The following CPNE4 variants were observed in gnomAD, a reference collection of about 807,000 sequenced individuals.
CPNE4 encodes copine-4.
Under a neutral mutation model 67.9 loss-of-function variants are expected in CPNE4, and 25 were observed. The observed-to-expected ratio is 0.37, with a 90% CI of 0.27 to 0.51. The LOEUF is 0.51. Ranked by LOEUF, CPNE4 falls within the 20% of genes least tolerant of loss-of-function variation. The probability of loss-of-function intolerance (pLI) is 0.93; values close to 1 mark genes in which losing one functional copy is unlikely to be tolerated. For synonymous variants in CPNE4, 242 were observed against 244.9 expected (o/e 0.99, Z 0.11); for missense variants, 464 against 690.8 (o/e 0.67, Z 3.68).
chr3:131,572,758 G>A (rs928974622), intron 10 of CPNE4, among the ~76,000 whole-genome samples: 1 of 151,942 alleles, frequency 6.6e-6, no homozygotes, highest in African/African-American at 2.4e-5. Flanking sequence ...GTGCCAATGG[G>A]GGTTTTTGCC....
chr3:131,666,857 G>T (rs1022129529), intron 7 of CPNE4, among the ~76,000 whole-genome samples: 1 of 152,142 alleles, frequency 6.6e-6, no homozygotes, highest in Non-Finnish European at 1.5e-5. Flanking sequence ...AGACATCTCA[G>T]TCAAATACAG....
At chr3:131,954,824 C>T (rs1228449312) in intron 1 of CPNE4, among the ~76,000 whole-genome samples, 1 of 152,126 alleles carries the variant, frequency 6.6e-6, no homozygotes, top group East Asian at 1.9e-4. Flanking sequence ...AGGACATGAA[C>T]TCATCATTTT....
At chr3:131,818,975 C>A (rs2084853216) in intron 2 of CPNE4, among the ~76,000 whole-genome samples, 1 of 152,094 alleles carries the variant, frequency 6.6e-6, no homozygotes, top group African/African-American at 2.4e-5. Context: ...TGGTGGGCAC[C>A]TGTAAACTCA....
rs530229425 is a variant in CPNE4 at position 131,893,081 on chromosome 3, T to C, written c.180+12183A>G. 8.5e-5 allele frequency among the ~76,000 whole-genome samples: 13 copies of C among 152,106 alleles called. No individual in the cohort carries two copies. The South Asian group carries it at 2.1e-3, about 24-fold the overall frequency. On this transcript the variant is annotated intron_variant, in intron 2 of 15. Transcript: ENST00000429747. ...AAACAAGACCCAGCTACATGCTGCC[T>C]ATAAGAGACTCACCTCATTTTTAAA...
intron 7 of CPNE4, among the ~76,000 whole-genome samples, chr3:131,638,075 G>T (rs2079439752): frequency 6.6e-6 from 1 of 151,678 alleles, no homozygotes; most frequent in African/African-American, 2.4e-5. Flanking sequence ...CACCAAAATA[G>T]AAGCTCCTTA....
intron 10 of CPNE4, among the ~76,000 whole-genome samples, chr3:131,568,120 A>T (rs1937152544): frequency 6.6e-6 from 1 of 152,040 alleles, no homozygotes. Context: ...TATAGTTCTC[A>T]TGGTTTAATA....
At chr3:131,725,954 A>T (rs2081989651) in intron 2 of CPNE4, among the ~76,000 whole-genome samples, 1 of 152,210 alleles carries the variant, frequency 6.6e-6, no homozygotes, top group Admixed American at 6.5e-5. Flanking sequence ...TTTTTGCAAC[A>T]TCTGGTCCAA....
chr3:131,653,163 T>G (rs911492439), intron 7 of CPNE4, among the ~76,000 whole-genome samples: 5 of 149,154 alleles, frequency 3.4e-5, no homozygotes, highest in Admixed American at 3.3e-4. Context: ...TTTTTTTTTT[T>G]TTTGAGACGG....
At chr3:132,013,095 C>T (rs1014138263) in intron 1 of CPNE4, among the ~76,000 whole-genome samples, 4 of 151,932 alleles carry the variant, frequency 2.6e-5, no homozygotes, top group East Asian at 3.9e-4. Flanking sequence ...TAGGGGTGGA[C>T]GCCTGTAATC....
chr3:131,802,229 T>C (rs1321629496), intron 2 of CPNE4, among the ~76,000 whole-genome samples: 1 of 152,168 alleles, frequency 6.6e-6, no homozygotes, highest in Non-Finnish European at 1.5e-5. Flanking sequence ...GTCAACCACA[T>C]CTACTCCTTG....
chr3:131,862,755 C>T (rs986755049), intron 2 of CPNE4, among the ~76,000 whole-genome samples: 6 of 151,506 alleles, frequency 4.0e-5, no homozygotes, highest in African/African-American at 9.7e-5. Flanking sequence ...ATGTACACAA[C>T]GTGCAGGTTT....
At chr3:131,839,941 TGAGGCCCTATAC>T (rs1458554363) in intron 2 of CPNE4, among the ~76,000 whole-genome samples, 1 of 152,200 alleles carries the variant, frequency 6.6e-6, no homozygotes, top group Non-Finnish European at 1.5e-5. Flanking sequence ...CTATCATGTA[TGAGGCCCTATAC>T]GAGGCAATGT....
chr3:131,777,998 C>T (rs1013856222), intron 2 of CPNE4, among the ~76,000 whole-genome samples: 2 of 152,104 alleles, frequency 1.3e-5, no homozygotes, highest in African/African-American at 4.8e-5. Context: ...CATAGTCTCC[C>T]AGCAGGACTG....
At chr3:131,717,933 T>C (rs1471271891) in intron 3 of CPNE4, among the ~76,000 whole-genome samples, 8 of 148,160 alleles carry the variant, frequency 5.4e-5, no homozygotes, top group Non-Finnish European at 1.0e-4. Flanking sequence ...TTTCTTTCTT[T>C]CTTTCTTTCT....
intron 7 of CPNE4, among the ~76,000 whole-genome samples, chr3:131,612,774 T>C (rs911411828): frequency 3.9e-5 from 6 of 152,318 alleles, no homozygotes; most frequent in African/African-American, 1.4e-4. Flanking sequence ...AGTTGTTGTC[T>C]ATTGATCACA....
At chr3:131,571,741 C>T (rs1937347321) in intron 10 of CPNE4, among the ~76,000 whole-genome samples, 1 of 151,922 alleles carries the variant, frequency 6.6e-6, no homozygotes, top group South Asian at 2.1e-4. Flanking sequence ...CCCAGGTTTA[C>T]TTGTCGAAAG....
intron 1 of CPNE4, among the ~76,000 whole-genome samples, chr3:131,920,007 T>C (rs1382145962): frequency 6.6e-6 from 1 of 152,204 alleles, no homozygotes; most frequent in Admixed American, 6.5e-5. Flanking sequence ...TTATTCCTCA[T>C]TGCAGTCAGC....
chr3:132,018,206 AC>A (rs2073926136), intron 1 of CPNE4, among the ~76,000 whole-genome samples: 2 of 152,236 alleles, frequency 1.3e-5, no homozygotes, highest in South Asian at 4.1e-4. Flanking sequence ...TATTGCTGAG[AC>A]CAAGAAGGAG....
At chr3:131,811,383 AAT>A (rs1286157236) in intron 2 of CPNE4, among the ~76,000 whole-genome samples, 3 of 151,820 alleles carry the variant, frequency 2.0e-5, no homozygotes, top group Non-Finnish European at 2.9e-5. Flanking sequence ...TGGTTTAAAA[AAT>A]ATATATATAT....
Sources: allele counts gnomAD v4.1 joint callset (sites outside exome capture counted in the v4.1 genomes callset), GRCh38; gene constraint gnomAD v4.1.1; transcripts MANE v1.5; gene names NCBI Gene and HGNC (gene_info 2026-07-23, HGNC 2026-07-21).